SPAG9: variants seen among roughly 807,000 people sequenced by gnomAD.
SPAG9 encodes C-Jun-amino-terminal kinase-interacting protein 4.
In SPAG9, 35 loss-of-function variants were observed where a neutral mutation model predicts 166.5. That is an observed-to-expected ratio of 0.21 (90% CI 0.16 to 0.28). The LOEUF (loss-of-function observed/expected upper bound fraction) is 0.28, where lower values mean the gene tolerates loss of function less well. Ranked by LOEUF, SPAG9 falls within the 10% of genes least tolerant of loss-of-function variation. The probability of loss-of-function intolerance (pLI) is 1.00; values close to 1 mark genes in which losing one functional copy is unlikely to be tolerated. For synonymous variants in SPAG9, 534 were observed against 565.5 expected, an observed-to-expected ratio of 0.94 and a Z score of 0.79; for missense variants, 1,235 against 1,603.3, an observed-to-expected ratio of 0.77 and a Z score of 3.92.
intron 6 of SPAG9, among the ~76,000 whole-genome samples, chr17:51,028,539 T>C (rs2046275319): frequency 1.3e-5 from 2 of 152,234 alleles, no homozygotes; most frequent in African/African-American, 2.4e-5. Context: ...CAGTACATGC[T>C]GCACAGGTTG....
chr17:51,000,744 A>G (rs900851744), intron 13 of SPAG9, among the ~76,000 whole-genome samples: 4 of 79,560 alleles, frequency 5.0e-5, no homozygotes, highest in African/African-American at 4.1e-4. Context: ...ACTCCATCTC[A>G]ATAAATGAAT....
rs1229394222 is a variant in SPAG9, at chr17:51,104,885, A to G, written c.303+15469T>C. Reference sequence around the variant, plus strand: ...GAGGCGGAGCTTGCAGTGAGCCGAGATCGCGCCACTGCACTCCAGCCTGGG... The same window carrying G: ...GAGGCGGAGCTTGCAGTGAGCCGAGGTCGCGCCACTGCACTCCAGCCTGGG... On this transcript the variant is annotated intron_variant, in intron 1 of 29. Transcript: ENST00000262013. 4.8e-5 allele frequency among the ~76,000 whole-genome samples: 7 copies of G among 144,962 alleles called. 1 individual carries two copies. Among genetic ancestry groups the G allele is most frequent in the Non-Finnish European group, 1.1e-4 (7 of 66,398 alleles).
intron 24 of SPAG9, 113 bp from the exon 25 acceptor site, chr17:50,982,785 A>T (rs1021776298): frequency 2.1e-6 from 2 of 932,528 alleles, no homozygotes. Flanking sequence ...CACTCAAAGT[A>T]CCATGTACTA....
At chr17:50,980,938 G>A (rs1436737585) in intron 25 of SPAG9, among the ~76,000 whole-genome samples, 1 of 152,150 alleles carries the variant, frequency 6.6e-6, no homozygotes, top group African/African-American at 2.4e-5. Flanking sequence ...GGAGTCTGAG[G>A]CTGCAGTGAG....
chr17:51,077,992 G>A (rs966583182), intron 2 of SPAG9, among the ~76,000 whole-genome samples: 8 of 151,336 alleles, frequency 5.3e-5, no homozygotes, highest in Non-Finnish European at 1.0e-4. Context: ...ACAGGATCTC[G>A]CTATCTTGCT....
chr17:51,003,618 G>A (rs1332913903), intron 12 of SPAG9, among the ~76,000 whole-genome samples: 1 of 152,132 alleles, frequency 6.6e-6, no homozygotes, highest in African/African-American at 2.4e-5. Context: ...GAGCACAGGG[G>A]TAAGACCTCA....
intron 29 of SPAG9, among the ~76,000 whole-genome samples, chr17:50,970,291 A>G (rs1042846180): frequency 6.6e-6 from 1 of 152,134 alleles, no homozygotes; most frequent in African/African-American, 2.4e-5. Flanking sequence ...AGGCAGGCGG[A>G]TCACTTGAGG....
intron 3 of SPAG9, among the ~76,000 whole-genome samples, chr17:51,053,850 A>T (rs1229497788): frequency 2.6e-4 from 15 of 57,208 alleles, no homozygotes; most frequent in African/African-American, 9.9e-4. Flanking sequence ...AAAAAAAAAA[A>T]AAAAGTATAT....
rs1468003455 is a variant in SPAG9, at chr17:50,987,094, A to C, written c.2939+18T>G. 2.5e-6 allele frequency: 4 copies of C among 1,594,020 alleles called. No homozygotes were observed. Among genetic ancestry groups the C allele is most frequent in the Non-Finnish European group, 3.4e-6 (4 of 1,174,188 alleles). On this transcript the variant is annotated intron_variant, in intron 22 of 29. Coordinates refer to ENST00000262013, the MANE Select transcript of SPAG9 (RefSeq NM_001130528.3). ...AAGTAAAACAACATATTCTAATGTT[A>C]AAAGCATTGACACCTACCAGCCATT...
At chr17:51,098,626 G>A (rs1233861482) in intron 1 of SPAG9, among the ~76,000 whole-genome samples, 1 of 152,054 alleles carries the variant, frequency 6.6e-6, no homozygotes, top group South Asian at 2.1e-4. Context: ...CCCAGTAGCT[G>A]AGATTACAGG....
chr17:50,989,469 A>T (rs1238035016), intron 21 of SPAG9: 21 of 592,272 alleles, frequency 3.5e-5, no homozygotes, highest in Admixed American at 5.9e-5. Context: ...TTTTTTTTTT[A>T]AATTGGAAGG....
At chr17:50,996,452 A>T in intron 16 of SPAG9, 113 bp downstream of exon 16, 1 of 1,237,038 alleles carries the variant, frequency 8.1e-7, no homozygotes, top group Non-Finnish European at 1.1e-6. Flanking sequence ...TGCCCAGTCC[A>T]TGCGGCTGAG....
intron 1 of SPAG9, among the ~76,000 whole-genome samples, chr17:51,081,977 T>C (rs1008564221): frequency 1.7e-4 from 26 of 152,126 alleles, no homozygotes; most frequent in African/African-American, 6.3e-4. Context: ...TACCTAGAAT[T>C]CTCTTCTTCC....
chr17:51,106,728 C>A (rs2048960755), intron 1 of SPAG9, among the ~76,000 whole-genome samples: 1 of 151,990 alleles, frequency 6.6e-6, no homozygotes, highest in Non-Finnish European at 1.5e-5. Flanking sequence ...ACCTGGGAGG[C>A]GGAGGTTGCA....
intron 6 of SPAG9, among the ~76,000 whole-genome samples, chr17:51,026,227 G>A (rs1163946379): frequency 6.6e-6 from 1 of 150,948 alleles, no homozygotes; most frequent in East Asian, 2.0e-4. Flanking sequence ...CATATGAAGT[G>A]TGGCAAAGGC....
chr17:51,043,102 C>A (rs181460906), intron 4 of SPAG9, among the ~76,000 whole-genome samples: 9 of 152,106 alleles, frequency 5.9e-5, no homozygotes, highest in African/African-American at 2.2e-4. Flanking sequence ...GTTGGCCAGG[C>A]TGGTCTTGAA....
At chr17:51,086,540 C>A (rs2048311973) in intron 1 of SPAG9, among the ~76,000 whole-genome samples, 1 of 151,838 alleles carries the variant, frequency 6.6e-6, no homozygotes, top group Admixed American at 6.6e-5. Context: ...GTAGTCATAG[C>A]TACTCGGGAG....
At chr17:51,040,825 A>C (rs985700099) in intron 5 of SPAG9, among the ~76,000 whole-genome samples, 2 of 152,204 alleles carry the variant, frequency 1.3e-5, no homozygotes, top group African/African-American at 4.8e-5. Flanking sequence ...TTTCATGATG[A>C]GTTGATTTTA....
rs2047278331 is a variant in SPAG9, at chr17:51,053,894, TATATAA to T, written c.495+2512_495+2517del. ...ATATATATATATATATATATATATA[TATATAA>T]AACATATATGTATTTATAATTATCA... On this transcript the variant is annotated intron_variant, in intron 3 of 29. Transcript: ENST00000262013. Among the ~76,000 whole-genome samples the T allele has an allele frequency of 1.1e-4, 12 of 108,592 alleles. No homozygotes were observed. The South Asian group carries it at 3.6e-3, about 33-fold the overall frequency. The allele number at this position is 108,592 out of a possible 152,430, so 71.2% of individuals were successfully genotyped here. A position where few individuals can be genotyped will look rare whatever the true frequency, so the allele number is the denominator to read the frequency against.
Sources: gnomAD v4.1 joint callset for allele counts (sites outside exome capture counted in the v4.1 genomes callset) on GRCh38, gnomAD v4.1.1 for gene constraint, MANE v1.5 for transcripts, NCBI Gene and HGNC (gene_info 2026-07-23, HGNC 2026-07-21) for gene names.